The following LARGE1 variants were observed in gnomAD, a reference collection of about 807,000 sequenced individuals.
LARGE1 encodes the protein xylosyl- and glucuronyltransferase LARGE1.
A neutral mutation model predicts 87.6 loss-of-function variants in LARGE1; 43 were observed. That is an observed-to-expected ratio of 0.49 (90% CI 0.38 to 0.63). The LOEUF is 0.63. Ranked by LOEUF, LARGE1 falls within the 30% of genes least tolerant of loss-of-function variation. The pLI, the probability that LARGE1 is intolerant of heterozygous loss-of-function variation, is 0.00. For missense variants in LARGE1, 802 were observed against 1,000.2 expected (o/e 0.80, Z 2.67); for synonymous variants, 434 against 394.6 (o/e 1.10, Z -1.18).
intron 2 of LARGE1, among the ~76,000 whole-genome samples, chr22:33,738,462 A>G (rs2083740717): frequency 6.6e-6 from 1 of 152,136 alleles, no homozygotes; most frequent in Admixed American, 6.6e-5. Context: ...ATGGGAGGAG[A>G]GGAGGGCAGG....
chr22:33,076,089 A>G, the LARGE1 span, among the ~76,000 whole-genome samples: 4 of 152,172 alleles, frequency 2.6e-5, no homozygotes, highest in Non-Finnish European at 5.9e-5. Context: ...ACTTGAATCT[A>G]TTTCTCCTCT....
At chr22:33,693,672 A>C (rs1284413544) in intron 2 of LARGE1, among the ~76,000 whole-genome samples, 1 of 152,132 alleles carries the variant, frequency 6.6e-6, no homozygotes, top group Non-Finnish European at 1.5e-5. Context: ...AAGATACAGA[A>C]GGTTGCCTGG....
chr22:33,451,837 G>T (rs566191112), intron 6 of LARGE1, among the ~76,000 whole-genome samples: 83 of 151,992 alleles, frequency 5.5e-4, no homozygotes, highest in African/African-American at 2.0e-3. Flanking sequence ...GATTACAGGC[G>T]TGAGCCACCG....
the LARGE1 span, among the ~76,000 whole-genome samples, chr22:33,099,610 C>A: frequency 6.6e-6 from 1 of 152,172 alleles, no homozygotes; most frequent in African/African-American, 2.4e-5. Context: ...ACATTTCTTT[C>A]CTCTTACTTA....
At chr22:33,432,127 C>G in intron 7 of LARGE1, 34 bp downstream of exon 7, 1 of 1,550,596 alleles carries the variant, frequency 6.4e-7, no homozygotes, top group Non-Finnish European at 8.9e-7. Flanking sequence ...ATATCACCTT[C>G]TGCAACTCTT....
the LARGE1 span, among the ~76,000 whole-genome samples, chr22:33,124,394 A>AAGGAAGGAAGGAAAGAAGGAAGGAAGG: frequency 6.6e-6 from 1 of 151,404 alleles, no homozygotes; most frequent in Non-Finnish European, 1.5e-5. Flanking sequence ...GGGAGGAAGG[A>AAGGAAGGAAGGAAAGAAGGAAGGAAGG]AAATGATGGC....
chr22:33,299,274 A>G (rs1933815854), intron 12 of LARGE1, among the ~76,000 whole-genome samples: 1 of 150,940 alleles, frequency 6.6e-6, no homozygotes, highest in African/African-American at 2.4e-5. Context: ...AAAAGAAAGA[A>G]AGAGAGAGAG....
the LARGE1 span, among the ~76,000 whole-genome samples, chr22:33,080,779 G>C: frequency 6.6e-6 from 1 of 152,222 alleles, no homozygotes; most frequent in Non-Finnish European, 1.5e-5. Context: ...GTTAGCTCCA[G>C]AGAATACTCT....
intron 6 of LARGE1, among the ~76,000 whole-genome samples, chr22:33,517,435 G>T (rs1212661357): frequency 6.6e-6 from 1 of 152,058 alleles, no homozygotes; most frequent in African/African-American, 2.4e-5. Flanking sequence ...TCGCTCTGTT[G>T]CCCAGGCTGG....
chr22:33,539,984 C>T (rs979220100), intron 6 of LARGE1, among the ~76,000 whole-genome samples: 3 of 152,024 alleles, frequency 2.0e-5, no homozygotes, highest in African/African-American at 7.2e-5. Context: ...ACCTCAGATG[C>T]CTGTGGGGGC....
chr22:33,865,177 G>A (rs1201343067), intron 1 of LARGE1, among the ~76,000 whole-genome samples: 2 of 152,172 alleles, frequency 1.3e-5, no homozygotes, highest in African/African-American at 2.4e-5. Flanking sequence ...GTCTAGCCCA[G>A]AACCTACTCC....
At chr22:33,402,283 G>T (rs1296809128) in intron 7 of LARGE1, among the ~76,000 whole-genome samples, 2 of 152,192 alleles carry the variant, frequency 1.3e-5, no homozygotes, top group Admixed American at 1.3e-4. Flanking sequence ...GCATCACTAA[G>T]TCAACGTCTT....
At chr22:33,128,674 C>T in the LARGE1 span, among the ~76,000 whole-genome samples, 1 of 27,526 alleles carries the variant, frequency 3.6e-5, no homozygotes, top group Non-Finnish European at 7.0e-5. Flanking sequence ...GACTTCGTCT[C>T]AAAAACAAAA....
chr22:33,249,869 G>A (rs1474646194), intron 11 of LARGE1, among the ~76,000 whole-genome samples: 1 of 152,050 alleles, frequency 6.6e-6, no homozygotes, highest in East Asian at 1.9e-4. Flanking sequence ...TTTATTTCTG[G>A]GCTTTCTATT....
chr22:33,126,567 A>G, the LARGE1 span, among the ~76,000 whole-genome samples: 1 of 152,242 alleles, frequency 6.6e-6, no homozygotes, highest in African/African-American at 2.4e-5. Flanking sequence ...TGAAGAGATC[A>G]TGGATTTGGA....
chr22:33,698,159 C>T (rs745560513), intron 2 of LARGE1, among the ~76,000 whole-genome samples: 9 of 150,880 alleles, frequency 6.0e-5, no homozygotes, highest in Non-Finnish European at 1.2e-4. Context: ...TGCAACCTCT[C>T]TCTCCAAGGT....
chr22:33,661,586 G>C (rs1286160922), intron 2 of LARGE1, among the ~76,000 whole-genome samples: 1 of 151,924 alleles, frequency 6.6e-6, no homozygotes, highest in African/African-American at 2.4e-5. Flanking sequence ...GAGGATGAAA[G>C]ATTTCAATGG....
chr22:33,784,403 C>T (rs933391712), intron 1 of LARGE1, among the ~76,000 whole-genome samples: 4 of 152,106 alleles, frequency 2.6e-5, no homozygotes, highest in African/African-American at 9.7e-5. Flanking sequence ...AAAATATAAA[C>T]CCAGCAATCT....
At chr22:33,576,772 T>C (rs937296710) in intron 5 of LARGE1, among the ~76,000 whole-genome samples, 4 of 152,208 alleles carry the variant, frequency 2.6e-5, no homozygotes, top group Non-Finnish European at 4.4e-5. Flanking sequence ...ATAACATAGG[T>C]ATATCCTCCC....
Sources: allele counts gnomAD v4.1 joint callset (sites outside exome capture counted in the v4.1 genomes callset), GRCh38; gene constraint gnomAD v4.1.1; transcripts MANE v1.5; gene names NCBI Gene and HGNC (gene_info 2026-07-23, HGNC 2026-07-21).